Variants in PBRM1 observed in about 807,000 individuals in gnomAD.
PBRM1 encodes protein polybromo-1.
A neutral mutation model predicts 194.5 loss-of-function variants in PBRM1; 27 were observed. That is an observed-to-expected ratio of 0.14 (90% CI 0.10 to 0.19). The LOEUF (loss-of-function observed/expected upper bound fraction) is 0.19. Ranked by LOEUF, PBRM1 falls within the 10% of genes least tolerant of loss-of-function variation. The pLI, the probability that PBRM1 is intolerant of heterozygous loss-of-function variation, is 1.00. For missense variants in PBRM1, 1,466 were observed against 2,077.2 expected, an observed-to-expected ratio of 0.71 and a Z score of 5.72; for synonymous variants, 655 against 693.2, an observed-to-expected ratio of 0.94 and a Z score of 0.87.
chr3:52,652,746 C>T (rs986112470), intron 5 of PBRM1, among the ~76,000 whole-genome samples: 2 of 151,836 alleles, frequency 1.3e-5, no homozygotes, highest in Non-Finnish European at 2.9e-5. Flanking sequence ...ACCTGTAATC[C>T]CAGCACTTCG....
intron 22 of PBRM1, among the ~76,000 whole-genome samples, chr3:52,566,078 C>A (rs1307623935): frequency 6.6e-6 from 1 of 151,898 alleles, no homozygotes; most frequent in Admixed American, 6.6e-5. Flanking sequence ...ACAAAAAAAA[C>A]ACAATGCTTA....
intron 6 of PBRM1, among the ~76,000 whole-genome samples, chr3:52,650,101 C>G (rs928208557): frequency 6.6e-6 from 1 of 151,948 alleles, no homozygotes; most frequent in African/African-American, 2.4e-5. Context: ...TGGCTCACAC[C>G]TATAATCTCT....
At chr3:52,600,593 TC>T (rs1170524868) in intron 17 of PBRM1, among the ~76,000 whole-genome samples, 2 of 152,352 alleles carry the variant, frequency 1.3e-5, no homozygotes, top group Middle Eastern at 3.4e-3. Context: ...TTGTAATGTT[TC>T]TAAGAATTAT....
intron 5 of PBRM1, among the ~76,000 whole-genome samples, chr3:52,657,076 C>T (rs1296685758): frequency 6.6e-6 from 1 of 152,192 alleles, no homozygotes; most frequent in African/African-American, 2.4e-5. Flanking sequence ...GATTCTTCTT[C>T]TATGACGTAC....
At chr3:52,620,120 G>C (rs896487068) in intron 13 of PBRM1, among the ~76,000 whole-genome samples, 9 of 152,206 alleles carry the variant, frequency 5.9e-5, no homozygotes, top group Admixed American at 5.2e-4. Flanking sequence ...GACAGGAAGA[G>C]TTCTCTCATT....
chr3:52,657,080 G>A (rs1054851812), intron 5 of PBRM1, among the ~76,000 whole-genome samples: 1 of 152,170 alleles, frequency 6.6e-6, no homozygotes, highest in African/African-American at 2.4e-5. Flanking sequence ...CTTCTTCTAT[G>A]ACGTACCTAG....
At chr3:52,679,140 C>T (rs192713915) in intron 1 of PBRM1, among the ~76,000 whole-genome samples, 40 of 152,344 alleles carry the variant, frequency 2.6e-4, no homozygotes, top group African/African-American at 9.4e-4. Context: ...TCTCTTCCAG[C>T]GAATTCAGGC....
intron 17 of PBRM1, among the ~76,000 whole-genome samples, chr3:52,602,405 G>A (rs1162651203): frequency 6.6e-6 from 1 of 152,138 alleles, no homozygotes; most frequent in African/African-American, 2.4e-5. Context: ...ATAGGTTGGG[G>A]GATGCACTCA....
At chr3:52,596,148 G>A (rs1483671537) in intron 17 of PBRM1, among the ~76,000 whole-genome samples, 1 of 152,010 alleles carries the variant, frequency 6.6e-6, no homozygotes, top group African/African-American at 2.4e-5. Flanking sequence ...CATATAAATT[G>A]TAGGATTGTG....
intron 2 of PBRM1, among the ~76,000 whole-genome samples, chr3:52,672,308 G>A (rs1016124483): frequency 2.0e-5 from 3 of 151,986 alleles, no homozygotes; most frequent in African/African-American, 7.3e-5. Flanking sequence ...GATAATCCAG[G>A]ATAACCGCTC....
At chr3:52,600,551 C>G (rs539290881) in intron 17 of PBRM1, among the ~76,000 whole-genome samples, 3 of 152,268 alleles carry the variant, frequency 2.0e-5, no homozygotes, top group African/African-American at 7.2e-5. Context: ...ATAAAGTTCT[C>G]ATTCATATCC....
chr3:52,658,951 TA>T (rs1438878820), intron 4 of PBRM1, among the ~76,000 whole-genome samples: 1 of 152,196 alleles, frequency 6.6e-6, no homozygotes. Flanking sequence ...GCATGTCCCA[TA>T]ATAGTTCATT....
At chr3:52,607,270 G>C (rs768990759) in intron 16 of PBRM1, among the ~76,000 whole-genome samples, 6 of 152,088 alleles carry the variant, frequency 3.9e-5, no homozygotes, top group Non-Finnish European at 8.8e-5. Flanking sequence ...CTCCCCGTAT[G>C]TTTTTCTTTA....
At chr3:52,631,725 T>G (rs1413144789) in intron 11 of PBRM1, among the ~76,000 whole-genome samples, 1 of 152,174 alleles carries the variant, frequency 6.6e-6, no homozygotes, top group African/African-American at 2.4e-5. Context: ...TATTTTTAAT[T>G]TAAATAAACA....
intron 16 of PBRM1, 135 bp from the exon 19 acceptor site, chr3:52,603,867 T>C: frequency 1.2e-6 from 1 of 822,422 alleles, no homozygotes; most frequent in South Asian, 1.9e-5. Flanking sequence ...AGAGTATCTT[T>C]CCGAAGTTTG....
chr3:52,629,004 A>T, exon 12 of PBRM1: 1 of 1,610,202 alleles, frequency 6.2e-7, no homozygotes, highest in Non-Finnish European at 8.5e-7. Flanking sequence ...AAATGATCTA[A>T]AGTTTCATAT....
intron 20 of PBRM1, among the ~76,000 whole-genome samples, chr3:52,584,056 C>T (rs1446762137): frequency 6.6e-6 from 1 of 152,178 alleles, no homozygotes; most frequent in African/African-American, 2.4e-5. Context: ...GGGCAAAGCT[C>T]TCTTTCATAC....
At chr3:52,547,648 TTGTG>T (rs201549104), downstream of PBRM1, 452 of 234,340 alleles carry the variant, frequency 1.9e-3, 6 homozygotes, top group East Asian at 0.024. Flanking sequence ...CTGTAAACTC[TTGTG>T]TGTGTGTGTT....
At chr3:52,617,767 A>T (rs1331704942) in intron 13 of PBRM1, among the ~76,000 whole-genome samples, 1 of 152,176 alleles carries the variant, frequency 6.6e-6, no homozygotes, top group Non-Finnish European at 1.5e-5. Flanking sequence ...GTTAATGAAC[A>T]CCAAAAAAAC....
Sources: allele counts gnomAD v4.1 joint callset (sites outside exome capture counted in the v4.1 genomes callset), GRCh38; gene constraint gnomAD v4.1.1; transcripts MANE v1.5; gene names NCBI Gene and HGNC (gene_info 2026-07-23, HGNC 2026-07-21).